Variants in ZNF292 observed in about 807,000 individuals in gnomAD.
ZNF292 encodes the protein 16 zinc-finger domain protein.
In ZNF292, 26 loss-of-function variants were observed where a neutral mutation model predicts 217.9. The observed-to-expected ratio is 0.12, with a 90% confidence interval of 0.09 to 0.17. The LOEUF (loss-of-function observed/expected upper bound fraction) is 0.17, where lower values mean the gene tolerates loss of function less well. Ranked by LOEUF, ZNF292 falls within the 10% of genes least tolerant of loss-of-function variation. ZNF292 has a pLI of 1.00. For missense variants in ZNF292, 2,904 were observed against 3,175.2 expected (o/e 0.91, Z 2.05); for synonymous variants, 1,257 against 1,124.1 (o/e 1.12, Z -2.37).
At chr6:87,221,396 AT>A (rs1311627139) in intron 4 of ZNF292, among the ~76,000 whole-genome samples, 2 of 152,208 alleles carry the variant, frequency 1.3e-5, no homozygotes, top group Admixed American at 1.3e-4. Flanking sequence ...CCTCTAAAAC[AT>A]CACTAATAAA....
intron 4 of ZNF292, among the ~76,000 whole-genome samples, chr6:87,220,868 T>G (rs1228731407): frequency 2.6e-5 from 4 of 152,156 alleles, no homozygotes; most frequent in Non-Finnish European, 5.9e-5. Context: ...GTAGCCAAAC[T>G]AATACAATAC....
intron 1 of ZNF292, among the ~76,000 whole-genome samples, chr6:87,168,078 TAG>T (rs1218307959): frequency 1.3e-4 from 20 of 152,212 alleles, no homozygotes; most frequent in African/African-American, 4.8e-4. Flanking sequence ...ACCTTGGAGT[TAG>T]AGGCAAGACC....
At chr6:87,224,646 A>G in intron 4 of ZNF292, among the ~76,000 whole-genome samples, 1 of 152,198 alleles carries the variant, frequency 6.6e-6, no homozygotes, top group Non-Finnish European at 1.5e-5. Context: ...CTGTTAAACC[A>G]ATGAGCTATT....
chr6:87,209,115 C>T (rs896515878), intron 1 of ZNF292, among the ~76,000 whole-genome samples: 2 of 151,012 alleles, frequency 1.3e-5, no homozygotes, highest in African/African-American at 4.9e-5. Flanking sequence ...CCCCCCCCTC[C>T]CCATTTTCAG....
chr6:87,205,488 T>C (rs1046698880), intron 1 of ZNF292, among the ~76,000 whole-genome samples: 1 of 152,164 alleles, frequency 6.6e-6, no homozygotes, highest in African/African-American at 2.4e-5. Flanking sequence ...TGAGACCATT[T>C]TAAAATGTTA....
chr6:87,203,705 A>G (rs1772162573), intron 1 of ZNF292, among the ~76,000 whole-genome samples: 1 of 151,966 alleles, frequency 6.6e-6, no homozygotes, highest in South Asian at 2.1e-4. Flanking sequence ...TAAGGAGGGC[A>G]CCATAGGGAG....
chr6:87,162,108 A>T (rs983281461), intron 1 of ZNF292, among the ~76,000 whole-genome samples: 1 of 152,218 alleles, frequency 6.6e-6, no homozygotes, highest in African/African-American at 2.4e-5. Context: ...ATAGCAACTT[A>T]AAGAGTTCAA....
At position 87,245,489 on chromosome 6, in the gene ZNF292, T is replaced by TC; in HGVS notation, c.879-14_879-13insC. 1.3e-6 allele frequency: 1 copy of TC among 797,898 alleles called. No individual in the cohort carries two copies. The highest frequency in any genetic ancestry group is 1.7e-6 in the Non-Finnish European group (1 of 582,904). The allele number at this position is 797,898 out of a possible 1,614,324, so 49.4% of individuals were successfully genotyped here. On this transcript the variant is annotated splice_polypyrimidine_tract_variant and intron_variant, in intron 6 of 7. Transcript: ENST00000369577. ...CTGCTCCAACTTTTCTTATTATAAC[T>TC]TTTTTTTTTTAAGGGAACTTACTCT...
Position 87,254,991 on chromosome 6 carries a change from A to T in ZNF292, c.1362A>T (p.Arg454=). ...TCTGGGATTGGAAAACCTTGAAACG[A>T]CAATGTCTTGCATTAATGGGAGAAG... is the stretch of plus-strand genomic sequence containing the variant. The part of the protein sequence containing the change: ...PEFWDWKTLK[R]QCLALMGEEA... The change falls in exon 8 of 8, where the codon CGA becomes CGT. Residue 454 remains arginine (R), a synonymous_variant. Transcript: ENST00000369577. 6.2e-7 allele frequency: 1 copy of T among 1,613,866 alleles called. No homozygotes were observed. The highest frequency in any genetic ancestry group is 8.5e-7 in the Non-Finnish European group (1 of 1,179,856).
Position 87,259,603 on chromosome 6 carries a change from T to C in ZNF292, c.5974T>C (p.Ser1992Pro), listed in dbSNP as rs200457425. 1,175 of 1,578,386 alleles carry C rather than the reference T, an allele frequency of 7.4e-4. 1 individual carries two copies. The highest frequency in any genetic ancestry group is 3.3e-3 in the Middle Eastern group (20 of 6,016). The change falls in exon 8 of 8, where the codon TCT becomes CCT. Residue 1992 changes from serine (S) to proline (P), a missense_variant. By Grantham distance (74) the Ser-to-Pro change is moderately conservative. Transcript: ENST00000369577. ...AATTAAAAGGCCTTATGGAAGAAAA[T>C]CTCAGAGTGAAAATGTGCCGGCCTC... ...LKIKRPYGRK[S>P]QSENVPASRS...
In ZNF292 at chr6:87,260,972, T is replaced by G. The variant is rs1338632938; in HGVS notation, c.7343T>G (p.Val2448Gly). The G allele has an allele frequency of 1.2e-6, 2 of 1,608,836 alleles. No individual in the cohort carries two copies. The highest frequency in any genetic ancestry group is 2.7e-5 in the African/African-American group (2 of 74,798). ...GAGCAAGAAGGTGCTAAGAATGATG[T>G]GAAAGATTCTGACACGTGTGTATCA... ...TSEQEGAKND[V>G]KDSDTCVSES... Residue 2448 changes from valine (V) to glycine (G), a missense_variant, in exon 8 of 8, where the codon GTG becomes GGG. Physicochemically the swap from Val to Gly is moderately radical, Grantham distance 109. Around this residue, in one of 15 missense-constraint regions of ZNF292, gnomAD observed 380 missense variants for 355.3 expected, o/e 1.07. Transcript: ENST00000369577.
At chr6:87,205,623 T>A (rs1772227597) in intron 1 of ZNF292, among the ~76,000 whole-genome samples, 1 of 152,142 alleles carries the variant, frequency 6.6e-6, no homozygotes, top group Non-Finnish European at 1.5e-5. Context: ...TTTTAAAACA[T>A]CTTTATTGCT....
chr6:87,216,078 A>T (rs187550233), intron 2 of ZNF292, 21 bp downstream of exon 2: 1 of 1,527,832 alleles, frequency 6.5e-7, no homozygotes, highest in Non-Finnish European at 8.8e-7. Flanking sequence ...CTTTGAGTAA[A>T]TAAACTAGAT....
rs1287623019 is a variant in ZNF292 at position 87,232,566 on chromosome 6, C to CA, written c.539-753dup. Reference sequence around the variant, plus strand: ...AAACTTAAATTCTCCTTCATAAATACAAAAAATAAAAATATTAATTCTTAT... The same window carrying CA: ...AAACTTAAATTCTCCTTCATAAATACAAAAAAATAAAAATATTAATTCTTAT... On this transcript the variant is annotated intron_variant, in intron 4 of 7. Coordinates refer to ENST00000369577, the MANE Select transcript of ZNF292 (RefSeq NM_015021.3). Among the ~76,000 whole-genome samples the CA allele has an allele frequency of 5.0e-4, 76 of 152,024 alleles. 2 individuals are homozygous for CA. Among genetic ancestry groups the CA allele is most frequent in the South Asian group, 2.1e-4 (1 of 4,826 alleles).
At chr6:87,162,640 A>G (rs1011964676) in intron 1 of ZNF292, among the ~76,000 whole-genome samples, 2 of 152,228 alleles carry the variant, frequency 1.3e-5, no homozygotes. Flanking sequence ...GAGTATGCTT[A>G]TATCAATTTC....
chr6:87,225,149 T>G (rs1371031174), intron 4 of ZNF292, among the ~76,000 whole-genome samples: 1 of 152,226 alleles, frequency 6.6e-6, no homozygotes, highest in Non-Finnish European at 1.5e-5. Flanking sequence ...ATATTTGCCA[T>G]CTGTATATCT....
Position 87,254,633 on chromosome 6 carries a change from T to A in ZNF292, c.1021-17T>A. 1 of 1,561,226 alleles carries A rather than the reference T, an allele frequency of 6.4e-7. No individual in the cohort carries two copies. Among genetic ancestry groups the A allele is most frequent in the Non-Finnish European group, 8.7e-7 (1 of 1,152,844 alleles). On this transcript the variant is annotated splice_polypyrimidine_tract_variant and intron_variant, in intron 7 of 7. Transcript: ENST00000369577. ...TAGTGTAGATTAAATTAACATTTCC[T>A]ATTTGCTTTTTCACAGACTGAAGGG...
intron 1 of ZNF292, among the ~76,000 whole-genome samples, chr6:87,194,181 CAG>C (rs965361403): frequency 1.3e-5 from 2 of 151,660 alleles, no homozygotes; most frequent in Admixed American, 6.6e-5. Flanking sequence ...GTGTGGAAAA[CAG>C]AATAAAAACA....
chr6:87,223,896 A>G (rs556432858), intron 4 of ZNF292: 15 of 152,210 alleles, frequency 9.9e-5, no homozygotes, highest in Non-Finnish European at 2.1e-4. Context: ...GGAGAATGGT[A>G]TTAGAAACCA....
Sources: gnomAD v4.1 joint callset for allele counts (sites outside exome capture counted in the v4.1 genomes callset) on GRCh38, gnomAD v4.1.1 for gene constraint, gnomAD v4.1.1 regional missense constraint, MANE v1.5 for transcripts, NCBI Gene and HGNC (gene_info 2026-07-23, HGNC 2026-07-21) for gene names.